Variants in DYNAP observed in about 807,000 individuals in gnomAD.
The protein encoded by DYNAP is dynactin-associated protein.
Under a neutral mutation model 8.5 loss-of-function variants are expected in DYNAP, and 7 were observed. That is an observed-to-expected ratio of 0.82 (90% CI 0.47 to 1.54). The LOEUF (loss-of-function observed/expected upper bound fraction) is 1.54, where lower values mean the gene tolerates loss of function less well. Among genes scored for constraint, DYNAP ranks in the 40% most tolerant of loss-of-function variants. DYNAP has a pLI of 0.01. For missense variants in DYNAP, 256 were observed against 224.3 expected (o/e 1.14, Z -0.90); for synonymous variants, 77 against 77.9 (o/e 0.99, Z 0.06).
intron 1 of DYNAP, among the ~76,000 whole-genome samples, chr18:54,592,019 T>C (rs1483461930): frequency 6.6e-6 from 1 of 152,144 alleles, no homozygotes; most frequent in Admixed American, 6.6e-5. Context: ...GCCAGCAGAA[T>C]GAATGAAACA....
chr18:54,576,735 C>T, the DYNAP span, among the ~76,000 whole-genome samples: 9 of 151,572 alleles, frequency 5.9e-5, no homozygotes, highest in Admixed American at 1.3e-4. Context: ...CCCAGGAAGT[C>T]GAGGCTGCGG....
upstream of DYNAP, among the ~76,000 whole-genome samples, chr18:54,590,906 A>G (rs1911043087): frequency 6.6e-6 from 1 of 152,140 alleles, no homozygotes; most frequent in Non-Finnish European, 1.5e-5. Flanking sequence ...CTTGAGTAGA[A>G]AGCAAGCAAT....
chr18:54,579,247 TAAA>T, the DYNAP span, among the ~76,000 whole-genome samples: 2 of 152,242 alleles, frequency 1.3e-5, no homozygotes, highest in African/African-American at 2.4e-5. Context: ...TTTAATGAGT[TAAA>T]ATAATAATAT....
At chr18:54,577,651 A>G in the DYNAP span, among the ~76,000 whole-genome samples, 1 of 151,702 alleles carries the variant, frequency 6.6e-6, no homozygotes, top group Non-Finnish European at 1.5e-5. Flanking sequence ...TATTGTCTCA[A>G]AAGAAAAGAA....
intron 1 of DYNAP, among the ~76,000 whole-genome samples, chr18:54,593,276 A>C (rs1913475774): frequency 6.6e-6 from 1 of 152,154 alleles, no homozygotes; most frequent in Admixed American, 6.6e-5. Context: ...GACAGTTTTC[A>C]TGGAACTCAC....
At chr18:54,596,544 G>C (rs1911298350) in intron 2 of DYNAP, among the ~76,000 whole-genome samples, 1 of 152,142 alleles carries the variant, frequency 6.6e-6, no homozygotes, top group Non-Finnish European at 1.5e-5. Context: ...TACAACTAGT[G>C]ATGAGAATGA....
chr18:54,595,504 C>G (rs1205944578), intron 2 of DYNAP, among the ~76,000 whole-genome samples: 2 of 151,964 alleles, frequency 1.3e-5, no homozygotes, highest in African/African-American at 2.4e-5. Context: ...GGGTCCTATT[C>G]TTTTGGCGAT....
At chr18:54,586,026 C>A (rs1910866633), upstream of DYNAP, among the ~76,000 whole-genome samples, 1 of 152,198 alleles carries the variant, frequency 6.6e-6, no homozygotes, top group Non-Finnish European at 1.5e-5. Context: ...TGACCCCAAT[C>A]TCGGGTCCAG....
chr18:54,581,299 TC>T, the DYNAP span, among the ~76,000 whole-genome samples: 1 of 152,264 alleles, frequency 6.6e-6, no homozygotes, highest in Non-Finnish European at 1.5e-5. Context: ...TATGTCTATC[TC>T]CCAAAATACT....
At position 54,598,993 on chromosome 18, in the gene DYNAP, A is replaced by C. The variant is rs1415085026; in HGVS notation, c.*848A>C. On this transcript the variant is annotated 3_prime_UTR_variant, in exon 3 of 3. Coordinates refer to ENST00000648945, the MANE Select transcript of DYNAP (RefSeq NM_173629.3). ...TTCAGATAAACTAAACCAATTGTCA[A>C]CCAGAACATGTTTAAATTTACCTAT... 2 of 152,152 alleles carry C rather than the reference A, an allele frequency of 1.3e-5. No individual in the cohort carries two copies. Among genetic ancestry groups the C allele is most frequent in the Non-Finnish European group, 2.9e-5 (2 of 68,014 alleles). 9.4% of individuals were successfully genotyped at this position (152,152 alleles called of 1,614,324 possible). A position where few individuals can be genotyped will look rare whatever the true frequency, so the allele number is the denominator to read the frequency against.
chr18:54,595,729 T>C (rs1191380309), intron 2 of DYNAP, among the ~76,000 whole-genome samples: 4 of 152,154 alleles, frequency 2.6e-5, no homozygotes, highest in Admixed American at 6.6e-5. Context: ...ACTGTATCTT[T>C]AAGTCTTCAG....
At chr18:54,583,104 C>T (rs1910773073), upstream of DYNAP, among the ~76,000 whole-genome samples, 1 of 152,064 alleles carries the variant, frequency 6.6e-6, no homozygotes, top group Admixed American at 6.5e-5. Flanking sequence ...CTTAGGAAAA[C>T]AGAAACCGGT....
the DYNAP span, among the ~76,000 whole-genome samples, chr18:54,577,772 A>G: frequency 6.6e-6 from 1 of 151,866 alleles, no homozygotes; most frequent in African/African-American, 2.4e-5. Flanking sequence ...GTTCGAGACC[A>G]GCTGGCCAAT....
the DYNAP span, among the ~76,000 whole-genome samples, chr18:54,577,283 C>A: frequency 6.6e-6 from 1 of 152,012 alleles, no homozygotes; most frequent in Non-Finnish European, 1.5e-5. Flanking sequence ...TTATTAAGCT[C>A]CCTCTAGAAA....
At chr18:54,579,390 C>T in the DYNAP span, among the ~76,000 whole-genome samples, 3 of 151,972 alleles carry the variant, frequency 2.0e-5, no homozygotes, top group African/African-American at 7.3e-5. Context: ...TCAAATAATT[C>T]TGTTATCTTT....
chr18:54,597,480 G>C (rs1311948415), intron 2 of DYNAP, among the ~76,000 whole-genome samples: 1 of 152,110 alleles, frequency 6.6e-6, no homozygotes, highest in African/African-American at 2.4e-5. Flanking sequence ...ACATGTGTGA[G>C]GGCAGGAGGG....
upstream of DYNAP, among the ~76,000 whole-genome samples, chr18:54,588,687 C>T (rs1225526801): frequency 6.6e-6 from 1 of 152,020 alleles, no homozygotes; most frequent in Admixed American, 6.6e-5. Context: ...TGCTTAAATA[C>T]TGTTTCATTA....
upstream of DYNAP, among the ~76,000 whole-genome samples, chr18:54,587,536 C>T (rs1164808287): frequency 4.6e-5 from 7 of 151,770 alleles, no homozygotes; most frequent in African/African-American, 1.7e-4. Flanking sequence ...CTGAAACACA[C>T]ATTAATATTT....
upstream of DYNAP, among the ~76,000 whole-genome samples, chr18:54,590,283 C>T (rs929683454): frequency 1.3e-5 from 2 of 152,192 alleles, no homozygotes; most frequent in East Asian, 1.9e-4. Context: ...TTTGTGATGA[C>T]TTATTTCAAT....
Sources: allele counts gnomAD v4.1 joint callset (sites outside exome capture counted in the v4.1 genomes callset), GRCh38; gene constraint gnomAD v4.1.1; transcripts MANE v1.5; gene names NCBI Gene and HGNC (gene_info 2026-07-23, HGNC 2026-07-21).